Variants in MCM3AP observed in about 807,000 individuals in gnomAD.
The protein encoded by MCM3AP is germinal-center associated nuclear protein.
MCM3AP carries 126 observed loss-of-function variants against 184.1 expected under a neutral mutation model. The observed-to-expected ratio is 0.68, with a 90% CI of 0.59 to 0.79. MCM3AP has a LOEUF of 0.79. Among genes scored for constraint, MCM3AP ranks in the 30% least tolerant of loss-of-function variants. The pLI is 0.00. For missense variants in MCM3AP, 2,496 were observed against 2,479.2 expected, an observed-to-expected ratio of 1.01 and a Z score of -0.14; for synonymous variants, 1,002 against 979.3, an observed-to-expected ratio of 1.02 and a Z score of -0.43.
At chr21:46,260,741 C>A (rs1954923233) in intron 15 of MCM3AP, 52 bp downstream of exon 15, 1 of 1,297,606 alleles carries the variant, frequency 7.7e-7, no homozygotes, top group Admixed American at 1.7e-5. Context: ...CAGCCTAGGG[C>A]AGAGCCAAAG....
intron 9 of MCM3AP, among the ~76,000 whole-genome samples, chr21:46,268,496 C>T (rs115013213): frequency 1.6e-3 from 240 of 152,298 alleles, no homozygotes; most frequent in African/African-American, 5.6e-3. Context: ...TGATTTAGTG[C>T]GGCAGATGGG....
chr21:46,240,692 T>A (rs1428587255), intron 26 of MCM3AP, 119 bp downstream of exon 26: 1 of 853,770 alleles, frequency 1.2e-6, no homozygotes, highest in Non-Finnish European at 1.9e-6. Flanking sequence ...AAACTGTTGC[T>A]AATAATCCAC....
intron 22 of MCM3AP, 106 bp downstream of exon 22, chr21:46,246,201 T>C (rs2080764302): frequency 2.8e-6 from 2 of 714,270 alleles, no homozygotes; most frequent in African/African-American, 3.5e-5. Flanking sequence ...ACCCTGTCTC[T>C]TAAGAAAAAG....
intron 2 of MCM3AP, 120 bp from the exon 3 acceptor site, chr21:46,280,695 T>C: frequency 4.5e-6 from 3 of 671,142 alleles, no homozygotes; most frequent in Non-Finnish European, 8.0e-6. Flanking sequence ...GCTCCTGTCC[T>C]TTGCACGACA....
Position 46,285,472 on chromosome 21 carries a change from C to T in MCM3AP, c.-186G>A. The T allele has an allele frequency of 1.7e-6, 1 of 587,514 alleles. No homozygotes were observed. Among genetic ancestry groups the T allele is most frequent in the East Asian group, 2.8e-5 (1 of 35,710 alleles). 36.4% of individuals were successfully genotyped at this position (587,514 alleles called of 1,614,324 possible). On this transcript the variant is annotated 5_prime_UTR_variant, in exon 1 of 28. Transcript: ENST00000291688. Reference sequence around the variant, plus strand: ...AAAAGAATTTTTGAACACTGTCATACTAAAAGGATAACTATTTCAAAGGCA... The same window carrying T: ...AAAAGAATTTTTGAACACTGTCATATTAAAAGGATAACTATTTCAAAGGCA...
intron 16 of MCM3AP, 142 bp from the exon 17 acceptor site, chr21:46,257,128 T>A (rs2080966074): frequency 8.5e-7 from 1 of 1,178,860 alleles, no homozygotes. Context: ...CGTTAACAGT[T>A]AATACTGAAT....
chr21:46,285,282 T>C lies in MCM3AP; in HGVS notation c.5A>G (p.Asn2Ser). The part of the protein sequence containing the change: M[N>S]PTNPFSGQQP... ...CTGCCCACTGAAAGGATTAGTTGGGTTCATCTTCTGCTCCAATTATTAGAA... is the reference window on the plus strand; with the variant it reads ...CTGCCCACTGAAAGGATTAGTTGGGCTCATCTTCTGCTCCAATTATTAGAA... Residue 2 changes from asparagine to serine, a missense_variant, in exon 1 of 28, where the codon AAC becomes AGC. Physicochemically the swap from Asn to Ser is conservative, Grantham distance 46. Transcript: ENST00000291688. 2 of 1,606,056 alleles carry C rather than the reference T, an allele frequency of 1.2e-6. No homozygotes were observed. The highest frequency in any genetic ancestry group is 1.7e-6 in the Non-Finnish European group (2 of 1,173,764).
intron 3 of MCM3AP, 90 bp from the exon 4 acceptor site, chr21:46,280,227 A>G (rs1370531539): frequency 2.2e-6 from 3 of 1,382,016 alleles, no homozygotes; most frequent in Non-Finnish European, 2.0e-6. Context: ...AAGTAATATT[A>G]TTTTCATTGT....
chr21:46,242,819 T>C lies in MCM3AP; in HGVS notation c.5409A>G (p.Leu1803=). Residue 1803 remains leucine, a synonymous_variant, in exon 25 of 28, where the codon CTA becomes CTG. Coordinates refer to ENST00000291688, the MANE Select transcript of MCM3AP (RefSeq NM_003906.5). ...EQARLQTQKE[L]QLREGRLAIK... The stretch of plus-strand genomic sequence containing the variant: ...AACCTCACCGTCCCTCTCTCAGCTG[T>C]AGCTCCTTCTGCGTCTGCAACCTGG... The C allele has an allele frequency of 2.5e-6, 4 of 1,611,334 alleles. No homozygotes were observed. The highest frequency in any genetic ancestry group is 3.4e-6 in the Non-Finnish European group (4 of 1,178,978).
At position 46,237,942 on chromosome 21, in the gene MCM3AP, A is replaced by C. The variant is rs2080576751; in HGVS notation, c.5634-963T>G. On this transcript the variant is annotated intron_variant, in intron 26 of 27. Coordinates refer to ENST00000291688, the MANE Select transcript of MCM3AP (RefSeq NM_003906.5). The stretch of plus-strand genomic sequence containing the variant: ...TGGTGAAACCCCGTCTCTACTAAAA[A>C]TACAAAAATTAGCCAGGCATGGTGA... Among the ~76,000 whole-genome samples, 2 of 115,740 alleles carry C rather than the reference A, an allele frequency of 1.7e-5. 1 individual carries two copies. The highest frequency in any genetic ancestry group is 1.9e-4 in the Admixed American group (2 of 10,616). 75.9% of individuals were successfully genotyped at this position (115,740 alleles called of 152,430 possible). A position where few individuals can be genotyped will look rare whatever the true frequency, so the allele number is the denominator to read the frequency against.
In MCM3AP at chr21:46,285,601, T is replaced by A; in HGVS notation, c.-315A>T. The A allele has an allele frequency of 8.6e-6, 2 of 233,706 alleles. No individual in the cohort carries two copies. Among genetic ancestry groups the A allele is most frequent in the East Asian group, 8.3e-5 (1 of 12,060 alleles). The allele number at this position is 233,706 out of a possible 1,614,324, so 14.5% of individuals were successfully genotyped here. A position where few individuals can be genotyped will look rare whatever the true frequency, so the allele number is the denominator to read the frequency against. ...TTTGTTACAGAGGTTTAAAGCGTGATCCTTTAAGATTAAAAAAAAAAAAGC... is the reference window on the plus strand; with the variant it reads ...TTTGTTACAGAGGTTTAAAGCGTGAACCTTTAAGATTAAAAAAAAAAAAGC... On this transcript the variant is annotated 5_prime_UTR_variant, in exon 1 of 28. Transcript: ENST00000291688.
chr21:46,251,621 A>G lies in MCM3AP; in HGVS notation c.4198T>C (p.Ser1400Pro). ...GTCTGAATCCCACCAGCATCGCTGG[A>G]TGTGTCATCCACTGAGCCTTCATCT... is the stretch of plus-strand genomic sequence containing the variant. ...MGDEGSVDDT[S>P]SDAGGIQTLS... The change falls in exon 20 of 28, where the codon TCC (serine) becomes CCC (proline). Residue 1400 changes from serine to proline, a missense_variant. Transcript: ENST00000291688. 2.5e-6 allele frequency: 4 copies of G among 1,609,480 alleles called. No individual in the cohort carries two copies. Among genetic ancestry groups the G allele is most frequent in the Non-Finnish European group, 2.6e-6 (3 of 1,175,798 alleles).
At position 46,245,050 on chromosome 21, in the gene MCM3AP, C is replaced by G. The variant is rs779503397; in HGVS notation, c.4795G>C (p.Gly1599Arg). 1 of 1,614,212 alleles carries G rather than the reference C, an allele frequency of 6.2e-7. No homozygotes were observed. Among genetic ancestry groups the G allele is most frequent in the Non-Finnish European group, 8.5e-7 (1 of 1,180,042 alleles). Residue 1599 changes from glycine (G) to arginine (R), a missense_variant, in exon 23 of 28, where the codon GGT (glycine) becomes CGT (arginine). Coordinates refer to ENST00000291688, the MANE Select transcript of MCM3AP (RefSeq NM_003906.5). ...FHDRRERRLG[G>R]LASQEPGAII... is the part of the protein sequence containing the mutation. The stretch of plus-strand genomic sequence containing the variant: ...GCGCCAGGCTCCTGAGAAGCAAGAC[C>G]GCCCAGACGCCTCTCTCTTCTGTCA...
intron 4 of MCM3AP, among the ~76,000 whole-genome samples, chr21:46,279,719 T>A (rs2081304246): frequency 6.6e-6 from 1 of 152,210 alleles, no homozygotes; most frequent in African/African-American, 2.4e-5. Flanking sequence ...CAGGACAGAA[T>A]CACTGCTCTC....
At position 46,275,239 on chromosome 21, in the gene MCM3AP, G is replaced by A; in HGVS notation, c.1945C>T (p.Arg649Trp). 6.2e-7 allele frequency: 1 copy of A among 1,613,954 alleles called. No individual in the cohort carries two copies. The change falls in exon 6 of 28, where the codon CGG becomes TGG. Residue 649 changes from arginine to tryptophan, a missense_variant. Physicochemically the swap from Arg to Trp is moderately radical, Grantham distance 101. Around this residue, in one of 5 missense-constraint regions of MCM3AP, gnomAD observed 130 missense variants for 199.8 expected, o/e 0.65. Coordinates refer to ENST00000291688, the MANE Select transcript of MCM3AP (RefSeq NM_003906.5). ...ACGCTCAGCTGGCTACGGGTCTCCCGCATGTACCTCTCCTTCTCAGGACAC... is the reference window on the plus strand; with the variant it reads ...ACGCTCAGCTGGCTACGGGTCTCCCACATGTACCTCTCCTTCTCAGGACAC... Reference protein sequence around the residue: ...DMCPEKERYMRETRSQLSVFE... With the variant: ...DMCPEKERYMWETRSQLSVFE...
At chr21:46,266,533 T>G in intron 10 of MCM3AP, 1 of 232,476 alleles carries the variant, frequency 4.3e-6, no homozygotes, top group Non-Finnish European at 8.3e-6. Flanking sequence ...GGTGGGGAAC[T>G]AGGCACCGGG....
In MCM3AP at chr21:46,265,449, G is replaced by A; in HGVS notation, c.3106C>T (p.Pro1036Ser). Residue 1036 changes from proline to serine, a missense_variant, in exon 12 of 28, where the codon CCT becomes TCT. This residue lies in a region of MCM3AP where 1,323 missense variants were observed against 1,273.4 expected (regional missense o/e 1.04). Coordinates refer to ENST00000291688, the MANE Select transcript of MCM3AP (RefSeq NM_003906.5). ...LSSLPQSLPA[P>S]APSPVPLPPV... ...GGCAGAGGCACTGGTGAGGGCGCAG[G>A]GGCTGGTAGAGACTGTGGGAGACTG... 1 of 1,613,976 alleles carries A rather than the reference G, an allele frequency of 6.2e-7. No homozygotes were observed. Among genetic ancestry groups the A allele is most frequent in the Non-Finnish European group, 8.5e-7 (1 of 1,179,930 alleles).
At chr21:46,237,038 C>A in intron 26 of MCM3AP, 59 bp from the exon 27 acceptor site, 9 of 1,013,534 alleles carry the variant, frequency 8.9e-6, no homozygotes, top group South Asian at 6.9e-5. Context: ...AACTATTGTT[C>A]ATTAATCTTC....
chr21:46,253,157 CTG>C (rs1286445838), intron 19 of MCM3AP: 1 of 149,794 alleles, frequency 6.7e-6, no homozygotes, highest in Non-Finnish European at 1.5e-5. Context: ...AACACAGAGA[CTG>C]TAGTTGCTTT....
Sources: allele counts gnomAD v4.1 joint callset (sites outside exome capture counted in the v4.1 genomes callset), GRCh38; gene constraint gnomAD v4.1.1; regional missense constraint gnomAD v4.1.1; transcripts MANE v1.5; gene names NCBI Gene and HGNC (gene_info 2026-07-23, HGNC 2026-07-21).